The following EPB41L1 variants were observed in gnomAD, a reference collection of about 807,000 sequenced individuals.
EPB41L1 encodes erythrocyte membrane protein band 4.1 like 1.
In EPB41L1, 29 loss-of-function variants were observed where a neutral mutation model predicts 97.8. The observed-to-expected ratio is 0.30, with a 90% CI of 0.22 to 0.40. EPB41L1 has a LOEUF of 0.40. Among genes scored for constraint, EPB41L1 ranks in the 10% least tolerant of loss-of-function variants. The pLI is 1.00. For missense variants in EPB41L1, 812 were observed against 1,162.3 expected, an observed-to-expected ratio of 0.70 and a Z score of 4.38; for synonymous variants, 383 against 459.2, an observed-to-expected ratio of 0.83 and a Z score of 2.12.
rs1193805261 is a variant in EPB41L1, at chr20:36,232,658, G to A, written c.*3318G>A. 2.5e-6 allele frequency: 1 copy of A among 398,932 alleles called. No homozygotes were observed. Among genetic ancestry groups the A allele is most frequent in the Non-Finnish European group, 4.4e-6 (1 of 226,120 alleles). The allele number at this position is 398,932 out of a possible 1,614,324, so 24.7% of individuals were successfully genotyped here. ...CACCTTAACAACCAATTGCGATGCT[G>A]TCCTGTTCCTTTTTACTCACACCCT... On this transcript the variant is annotated 3_prime_UTR_variant, in exon 22 of 22. Transcript: ENST00000338074.
chr20:36,112,940 G>A (rs369637658), intron 2 of EPB41L1, among the ~76,000 whole-genome samples: 4 of 152,220 alleles, frequency 2.6e-5, no homozygotes, highest in African/African-American at 9.6e-5. Flanking sequence ...GTGGATCAGG[G>A]GATGGGGGAA....
In EPB41L1 at chr20:36,202,495, G is replaced by A. The variant is rs1044799568; in HGVS notation, c.1668+4454G>A. Among the ~76,000 whole-genome samples, 31 of 152,112 alleles carry A rather than the reference G, an allele frequency of 2.0e-4. 1 individual carries two copies. Among genetic ancestry groups the A allele is most frequent in the South Asian group, 1.0e-3 (5 of 4,808 alleles). ...GCCCCTTACCCTGGACCCCCTCCTC[G>A]TATAAAGGGCAGGCCTGGCTGGGCA... On this transcript the variant is annotated intron_variant, in intron 14 of 21. Coordinates refer to ENST00000338074, the MANE Select transcript of EPB41L1 (RefSeq NM_012156.2).
intron 1 of EPB41L1, among the ~76,000 whole-genome samples, chr20:36,157,381 GATTA>G (rs1170523789): frequency 1.3e-5 from 2 of 152,224 alleles, no homozygotes; most frequent in African/African-American, 2.4e-5. Context: ...AGATAGATGT[GATTA>G]ATTATCCACT....
In EPB41L1 at chr20:36,206,566, G is replaced by A; in HGVS notation, c.1669-2922G>A. ...GCGCCTGGATGCCCCTCCCGGAGGT[G>A]AGCCCAGGCCGACGCTGAATTCCTT... On this transcript the variant is annotated intron_variant, in intron 14 of 21. Transcript: ENST00000338074. The surrounding 1 kb of genome is among the most constrained non-coding windows in gnomAD (Gnocchi z 5.5). The A allele has an allele frequency of 1.6e-6, 2 of 1,289,874 alleles. No homozygotes were observed. The highest frequency in any genetic ancestry group is 1.5e-5 in the African/African-American group (1 of 66,002). 79.9% of individuals were successfully genotyped at this position (1,289,874 alleles called of 1,614,324 possible). A position where few individuals can be genotyped will look rare whatever the true frequency, so the allele number is the denominator to read the frequency against.
Position 36,190,400 on chromosome 20 carries a change from T to C in EPB41L1, c.1124+26T>C, listed in dbSNP as rs370075930. On this transcript the variant is annotated intron_variant, in intron 10 of 21. Transcript: ENST00000338074. This position sits in a 1 kb window ranked among gnomAD's most constrained non-coding sequence, Gnocchi z 5.8. ...GTGAGCCTGACCTTGGATGGGGTAATGGGGATGGGGCAGAGGCCATGTGTA... is the reference window on the plus strand; with the variant it reads ...GTGAGCCTGACCTTGGATGGGGTAACGGGGATGGGGCAGAGGCCATGTGTA... 238 of 1,607,042 alleles carry C rather than the reference T, an allele frequency of 1.5e-4. No homozygotes were observed. Among genetic ancestry groups the C allele is most frequent in the Non-Finnish European group, 1.9e-4 (223 of 1,174,564 alleles).
intron 2 of EPB41L1, among the ~76,000 whole-genome samples, chr20:36,146,740 T>C (rs1415418503): frequency 1.3e-5 from 2 of 151,770 alleles, no homozygotes; most frequent in Middle Eastern, 3.4e-3. Flanking sequence ...TGCAAGGAAA[T>C]GTTTGTGATC....
intron 2 of EPB41L1, among the ~76,000 whole-genome samples, chr20:36,126,152 T>G (rs564569025): frequency 1.1e-4 from 16 of 152,244 alleles, no homozygotes; most frequent in Admixed American, 1.0e-3. Context: ...AGAAAATCTT[T>G]CTAAAATCTC....
At chr20:36,096,453 C>G (rs1159510866) in intron 1 of EPB41L1, among the ~76,000 whole-genome samples, 1 of 152,216 alleles carries the variant, frequency 6.6e-6, no homozygotes, top group African/African-American at 2.4e-5. Context: ...AGTTCCTGCC[C>G]ACTTCTCTGG....
In EPB41L1 at chr20:36,206,827, G is replaced by C. The variant is rs2062844804; in HGVS notation, c.1669-2661G>C. 7.8e-6 allele frequency: 10 copies of C among 1,289,886 alleles called. No homozygotes were observed. The highest frequency in any genetic ancestry group is 8.1e-6 in the Non-Finnish European group (8 of 988,882). 79.9% of individuals were successfully genotyped at this position (1,289,886 alleles called of 1,614,324 possible). ...AGAGGAAGGGACCCCCGTGAGTGGA[G>C]ATTTGCTGGGAAAGGCTGAGGAAAG... On this transcript the variant is annotated intron_variant, in intron 14 of 21. Coordinates refer to ENST00000338074, the MANE Select transcript of EPB41L1 (RefSeq NM_012156.2). This position sits in a 1 kb window ranked among gnomAD's most constrained non-coding sequence, Gnocchi z 5.5.
Position 36,190,808 on chromosome 20 carries a change from A to T in EPB41L1, c.1300+11A>T, listed in dbSNP as rs527845936. ...GCAGCCTTGATGGAGGTATGGCCCA[A>T]ATTGGAGGGCTGGGCGGGGAATGGT... On this transcript the variant is annotated intron_variant, in intron 11 of 21. Coordinates refer to ENST00000338074, the MANE Select transcript of EPB41L1 (RefSeq NM_012156.2). This position sits in a 1 kb window ranked among gnomAD's most constrained non-coding sequence, Gnocchi z 5.8. 2 of 1,613,242 alleles carry T rather than the reference A, an allele frequency of 1.2e-6. No homozygotes were observed. Among genetic ancestry groups the T allele is most frequent in the Non-Finnish European group, 1.7e-6 (2 of 1,179,994 alleles).
Position 36,125,504 on chromosome 20 carries a change from G to T in EPB41L1, c.-10+13024G>T, listed in dbSNP as rs568720147. ...TGCAAAGGGCTTAGCAGAGAGCCTA[G>T]CACCTACTGAGCGCTCAGTAAAGGT... On this transcript the variant is annotated intron_variant, in intron 2 of 19. Transcript: ENST00000202028. The T allele has an allele frequency of 2.9e-5, 43 of 1,462,372 alleles. No individual in the cohort carries two copies. In the African/African-American group the frequency reaches 4.9e-4, roughly 17 times the overall value. The allele number at this position is 1,462,372 out of a possible 1,614,324, so 90.6% of individuals were successfully genotyped here.
intron 13 of EPB41L1, among the ~76,000 whole-genome samples, chr20:36,196,905 A>G (rs2062231666): frequency 6.6e-6 from 1 of 152,082 alleles, no homozygotes; most frequent in Non-Finnish European, 1.5e-5. Context: ...TAAGGAGATG[A>G]CTCTGTCATG....
intron 2 of EPB41L1, among the ~76,000 whole-genome samples, chr20:36,145,922 T>C (rs974446086): frequency 2.0e-5 from 3 of 152,208 alleles, no homozygotes; most frequent in African/African-American, 7.2e-5. Flanking sequence ...CTCCAGGTCA[T>C]ATGCAGCGTT....
intron 2 of EPB41L1, among the ~76,000 whole-genome samples, chr20:36,141,085 A>G (rs1382951043): frequency 3.3e-5 from 5 of 152,168 alleles, no homozygotes; most frequent in Non-Finnish European, 7.3e-5. Flanking sequence ...TCTTTGTAGA[A>G]TATGGCCCCT....
chr20:36,191,784 T>G (rs2146369574), intron 11 of EPB41L1, among the ~76,000 whole-genome samples: 1 of 152,340 alleles, frequency 6.6e-6, no homozygotes, highest in South Asian at 2.1e-4. Flanking sequence ...CTATTTCCTC[T>G]TCTACAAAAT....
chr20:36,150,540 CAG>C (rs2060010937), upstream of EPB41L1: 1 of 152,156 alleles, frequency 6.6e-6, no homozygotes, highest in Admixed American at 6.5e-5. Context: ...GGTTGAAGCT[CAG>C]AGTTTGGCAC....
intron 2 of EPB41L1, among the ~76,000 whole-genome samples, chr20:36,146,528 T>C (rs1569128985): frequency 1.3e-5 from 2 of 152,242 alleles, no homozygotes; most frequent in South Asian, 4.1e-4. Context: ...TGGCCTAGTG[T>C]GGGGAGATGG....
At chr20:36,186,048 A>C (rs1325166631) in intron 7 of EPB41L1, among the ~76,000 whole-genome samples, 1 of 152,218 alleles carries the variant, frequency 6.6e-6, no homozygotes, top group Non-Finnish European at 1.5e-5. Context: ...TTAGATTATC[A>C]GTGTCTCTCA....
At chr20:36,132,962 C>G (rs564654385) in intron 2 of EPB41L1, among the ~76,000 whole-genome samples, 24 of 152,386 alleles carry the variant, frequency 1.6e-4, no homozygotes, top group African/African-American at 5.5e-4. Flanking sequence ...GTGCACTCAT[C>G]TGTGTCTCTG....
Sources: allele counts gnomAD v4.1 joint callset (sites outside exome capture counted in the v4.1 genomes callset), GRCh38; gene constraint gnomAD v4.1.1; non-coding constraint Gnocchi (gnomAD v3.1); transcripts MANE v1.5; gene names NCBI Gene and HGNC (gene_info 2026-07-23, HGNC 2026-07-21).